The following PCDHA1 variants were observed in gnomAD, a reference collection of about 807,000 sequenced individuals.
The protein encoded by PCDHA1 is protocadherin alpha-1.
A neutral mutation model predicts 61.3 loss-of-function variants in PCDHA1; 42 were observed. The observed-to-expected ratio is 0.69, with a 90% CI of 0.54 to 0.89. The LOEUF (loss-of-function observed/expected upper bound fraction) is 0.89, where lower values mean the gene tolerates loss of function less well. Among genes scored for constraint, PCDHA1 ranks in the 40% least tolerant of loss-of-function variants. The pLI is 0.00. For missense variants in PCDHA1, 1,256 were observed against 1,235.3 expected, an observed-to-expected ratio of 1.02 and a Z score of -0.25; for synonymous variants, 610 against 553.8, an observed-to-expected ratio of 1.10 and a Z score of -1.43.
intron 1 of PCDHA1, among the ~76,000 whole-genome samples, chr5:140,950,924 T>C (rs1316182193): frequency 2.6e-5 from 4 of 152,104 alleles, no homozygotes; most frequent in Non-Finnish European, 5.9e-5. Flanking sequence ...TTCAGTTCTT[T>C]TTCTTTTCTT....
chr5:140,823,548 G>A (rs2150126808), intron 1 of PCDHA1: 3 of 1,613,882 alleles, frequency 1.9e-6, no homozygotes, highest in Non-Finnish European at 8.5e-7. Flanking sequence ...ACGTGGTGGC[G>A]AAGGTGCGCG....
chr5:140,859,991 A>G (rs1486965129), intron 1 of PCDHA1: 1 of 152,000 alleles, frequency 6.6e-6, no homozygotes, highest in Admixed American at 6.6e-5. Context: ...TAATCTCTCC[A>G]TCAATACTAA....
chr5:140,875,234 T>C, intron 1 of PCDHA1: 1 of 867,742 alleles, frequency 1.2e-6, no homozygotes. Context: ...ATCTTTCTTG[T>C]ACTTACATAA....
chr5:140,883,552 G>A, intron 1 of PCDHA1: 2 of 1,614,234 alleles, frequency 1.2e-6, no homozygotes, highest in South Asian at 1.1e-5. Flanking sequence ...TGACCGCGCG[G>A]GACGGGGGCT....
At chr5:140,957,689 A>G (rs2095375568) in intron 1 of PCDHA1, among the ~76,000 whole-genome samples, 1 of 152,234 alleles carries the variant, frequency 6.6e-6, no homozygotes. Flanking sequence ...TATCTAGACA[A>G]TGAACATTAT....
At chr5:140,802,873 A>G (rs1554122424) in intron 1 of PCDHA1, 12 of 1,613,654 alleles carry the variant, frequency 7.4e-6, no homozygotes, top group Non-Finnish European at 8.5e-7. Flanking sequence ...CTGGACGAGA[A>G]CGACAACGCG....
At chr5:140,898,751 A>G (rs2066956971) in intron 1 of PCDHA1, among the ~76,000 whole-genome samples, 1 of 152,050 alleles carries the variant, frequency 6.6e-6, no homozygotes, top group Admixed American at 6.6e-5. Context: ...CTTGATGGGG[A>G]TGGCATTGAA....
intron 1 of PCDHA1, among the ~76,000 whole-genome samples, chr5:140,948,234 T>G (rs1011132417): frequency 6.6e-6 from 1 of 151,670 alleles, no homozygotes; most frequent in African/African-American, 2.4e-5. Flanking sequence ...TTAACTTGTA[T>G]TTTAGTAAAT....
chr5:141,002,047 C>A (rs1449885583), intron 3 of PCDHA1, among the ~76,000 whole-genome samples: 2 of 152,202 alleles, frequency 1.3e-5, no homozygotes, highest in Non-Finnish European at 2.9e-5. Flanking sequence ...TCCTGGGCAT[C>A]CAGAGGCAGC....
intron 1 of PCDHA1, chr5:140,805,546 G>C: frequency 2.0e-6 from 2 of 983,174 alleles, no homozygotes; most frequent in Non-Finnish European, 1.2e-6. Context: ...ATAACTTTAT[G>C]GATATAGGAG....
intron 1 of PCDHA1, chr5:140,867,192 C>T (rs2049812222): frequency 1.3e-5 from 2 of 152,080 alleles, no homozygotes; most frequent in African/African-American, 4.8e-5. Flanking sequence ...CGCAAGACTC[C>T]ACATTCCATG....
intron 1 of PCDHA1, among the ~76,000 whole-genome samples, chr5:140,925,907 C>T (rs937426015): frequency 6.6e-6 from 1 of 151,848 alleles, no homozygotes; most frequent in African/African-American, 2.4e-5. Flanking sequence ...TCGTCAAGGG[C>T]CGTTTGCAAA....
chr5:140,829,498 G>T, intron 1 of PCDHA1: 1 of 1,613,570 alleles, frequency 6.2e-7, no homozygotes, highest in Non-Finnish European at 8.5e-7. Context: ...AGAACAACCC[G>T]CCGGGCTGCC....
intron 1 of PCDHA1, among the ~76,000 whole-genome samples, chr5:140,799,583 A>T (rs1034924716): frequency 8.5e-5 from 13 of 152,082 alleles, no homozygotes; most frequent in African/African-American, 3.1e-4. Context: ...GATATTAACA[A>T]ATATCATTAA....
At chr5:140,791,266 A>G (rs1445373173) in intron 1 of PCDHA1, among the ~76,000 whole-genome samples, 1 of 152,182 alleles carries the variant, frequency 6.6e-6, no homozygotes, top group Non-Finnish European at 1.5e-5. Flanking sequence ...TGAAATGTGA[A>G]TGGTGTGTCA....
At position 140,836,671 on chromosome 5, in the gene PCDHA1, G is replaced by A. The variant is rs146098956; in HGVS notation, c.2394+47987G>A. The A allele has an allele frequency of 1.4e-5, 22 of 1,613,282 alleles. No individual in the cohort carries two copies. The African/African-American group carries it at 2.8e-4, about 21-fold the overall frequency. On this transcript the variant is annotated intron_variant, in intron 1 of 3. Coordinates refer to ENST00000504120, the MANE Select transcript of PCDHA1 (RefSeq NM_018900.4). ...CGGCAGAGGGTGTGCTCTGGGGAGG[G>A]CCCACCCAAGACAGACCTCATGGCC...
intron 1 of PCDHA1, chr5:140,877,029 G>A (rs782501659): frequency 4.7e-5 from 75 of 1,612,228 alleles, no homozygotes; most frequent in Middle Eastern, 2.0e-4. Context: ...AGGTGTACGC[G>A]CTGCAGCCGC....
chr5:140,867,215 C>T (rs989219715), intron 1 of PCDHA1: 14 of 152,216 alleles, frequency 9.2e-5, no homozygotes, highest in South Asian at 2.1e-4. Flanking sequence ...ACATCTTCAT[C>T]CCCAATTCCC....
At chr5:140,877,571 T>C in intron 1 of PCDHA1, 1 of 1,613,760 alleles carries the variant, frequency 6.2e-7, no homozygotes, top group African/African-American at 1.3e-5. Context: ...AACGTGTACC[T>C]CATCATCGCC....
Sources: allele counts gnomAD v4.1 joint callset (sites outside exome capture counted in the v4.1 genomes callset), GRCh38; gene constraint gnomAD v4.1.1; transcripts MANE v1.5; gene names NCBI Gene and HGNC (gene_info 2026-07-23, HGNC 2026-07-21).